The following LRRC4C variants were observed in gnomAD, a reference collection of about 807,000 sequenced individuals.
LRRC4C encodes leucine rich repeat containing 4C, also known as leucine-rich repeat-containing protein 4C.
A neutral mutation model predicts 33.6 loss-of-function variants in LRRC4C; 5 were observed. The observed-to-expected ratio is 0.15, with a 90% CI of 0.08 to 0.31. LRRC4C has a LOEUF of 0.31. Ranked by LOEUF, LRRC4C falls within the 10% of genes least tolerant of loss-of-function variation. The probability of loss-of-function intolerance (pLI) is 1.00; values close to 1 mark genes in which losing one functional copy is unlikely to be tolerated. For missense variants in LRRC4C, 560 were observed against 796.7 expected (o/e 0.70, Z 3.58); for synonymous variants, 329 against 302.0 (o/e 1.09, Z -0.93).
chr11:40,155,969 C>G (rs112646561), intron 5 of LRRC4C, among the ~76,000 whole-genome samples: 3,373 of 152,122 alleles, frequency 0.022, 124 homozygotes, highest in African/African-American at 0.077. Flanking sequence ...ACTAGCTAAC[C>G]GAATCCAGCA....
Position 40,736,216 on chromosome 11 carries a change from A to C in LRRC4C, c.-406-87938T>G, listed in dbSNP as rs543406200. Reference sequence around the variant, plus strand: ...GTGTGATGTTCCCCTCCCTGTGTCCATGTGTTCTCATTGTTCACCTCGCAC... The same window carrying C: ...GTGTGATGTTCCCCTCCCTGTGTCCCTGTGTTCTCATTGTTCACCTCGCAC... On this transcript the variant is annotated intron_variant, in intron 2 of 6. Transcript: ENST00000528697. Among the ~76,000 whole-genome samples the C allele has an allele frequency of 3.7e-4, 55 of 149,814 alleles. 1 individual carries two copies. Among genetic ancestry groups the C allele is most frequent in the Admixed American group, 1.6e-3 (24 of 15,034 alleles).
At chr11:40,127,478 T>A (rs1323411763) in intron 6 of LRRC4C, among the ~76,000 whole-genome samples, 1 of 151,936 alleles carries the variant, frequency 6.6e-6, no homozygotes, top group Admixed American at 6.6e-5. Context: ...ACTAGCCCAA[T>A]TGAGGGGCAC....
chr11:40,280,481 G>A (rs1038153413), intron 4 of LRRC4C, among the ~76,000 whole-genome samples: 4 of 152,228 alleles, frequency 2.6e-5, no homozygotes, highest in African/African-American at 4.8e-5. Flanking sequence ...ACACGGTCCC[G>A]CAACAGCCCA....
intron 4 of LRRC4C, among the ~76,000 whole-genome samples, chr11:40,277,347 TA>T (rs35031322): frequency 6.6e-6 from 1 of 152,110 alleles, no homozygotes; most frequent in East Asian, 1.9e-4. Context: ...AAGTGATGCA[TA>T]AAAAGTTTTA....
At chr11:40,178,236 C>G (rs1318122722) in intron 5 of LRRC4C, among the ~76,000 whole-genome samples, 2 of 152,218 alleles carry the variant, frequency 1.3e-5, no homozygotes, top group Non-Finnish European at 2.9e-5. Flanking sequence ...TATCCGTTCA[C>G]TTGGTAAACA....
At chr11:41,338,226 A>G (rs1951518173) in intron 1 of LRRC4C, among the ~76,000 whole-genome samples, 1 of 152,240 alleles carries the variant, frequency 6.6e-6, no homozygotes, top group African/African-American at 2.4e-5. Context: ...TCATTCTACT[A>G]TAAAGATACA....
intron 1 of LRRC4C, among the ~76,000 whole-genome samples, chr11:41,263,805 T>G (rs1239239939): frequency 6.6e-6 from 1 of 152,012 alleles, no homozygotes; most frequent in East Asian, 1.9e-4. Flanking sequence ...ACATATTCAA[T>G]GCATAAAAAA....
intron 1 of LRRC4C, among the ~76,000 whole-genome samples, chr11:41,149,413 A>G (rs1943885343): frequency 6.7e-6 from 1 of 149,864 alleles, no homozygotes; most frequent in Non-Finnish European, 1.5e-5. Flanking sequence ...AGGCTGAGGC[A>G]GGAGAATGGC....
intron 1 of LRRC4C, among the ~76,000 whole-genome samples, chr11:41,412,908 C>T (rs949492780): frequency 6.6e-6 from 1 of 152,188 alleles, no homozygotes; most frequent in Non-Finnish European, 1.5e-5. Flanking sequence ...CCTTTTCCTC[C>T]CTTCATTCCA....
intron 2 of LRRC4C, among the ~76,000 whole-genome samples, chr11:40,761,700 T>C (rs1303104127): frequency 6.6e-6 from 1 of 152,118 alleles, no homozygotes; most frequent in Non-Finnish European, 1.5e-5. Context: ...ATTAGACTAG[T>C]GAACATCTTC....
intron 3 of LRRC4C, among the ~76,000 whole-genome samples, chr11:40,543,719 G>T (rs541582138): frequency 2.0e-5 from 3 of 152,090 alleles, no homozygotes; most frequent in Non-Finnish European, 4.4e-5. Flanking sequence ...GAGAAAAGTC[G>T]AAGAATGAGT....
chr11:40,717,931 G>A (rs961479575), intron 2 of LRRC4C, among the ~76,000 whole-genome samples: 17 of 152,118 alleles, frequency 1.1e-4, no homozygotes, highest in African/African-American at 4.1e-4. Flanking sequence ...TACTCTGTTT[G>A]CTATAACTGA....
At chr11:41,192,778 C>G (rs1946016552) in intron 1 of LRRC4C, among the ~76,000 whole-genome samples, 1 of 151,980 alleles carries the variant, frequency 6.6e-6, no homozygotes, top group Non-Finnish European at 1.5e-5. Context: ...GAATCTAAAG[C>G]TGGGGAATTT....
intron 2 of LRRC4C, among the ~76,000 whole-genome samples, chr11:40,708,909 T>G (rs2136562964): frequency 6.6e-6 from 1 of 152,330 alleles, no homozygotes; most frequent in East Asian, 1.9e-4. Context: ...ATTGGATGCA[T>G]ATATATTCAG....
At chr11:41,004,811 A>G (rs914097729) in intron 1 of LRRC4C, among the ~76,000 whole-genome samples, 3 of 152,142 alleles carry the variant, frequency 2.0e-5, no homozygotes, top group African/African-American at 7.2e-5. Context: ...AGAGAATTAA[A>G]TGTATGAATT....
At chr11:40,980,862 C>T (rs1852467129) in intron 1 of LRRC4C, among the ~76,000 whole-genome samples, 1 of 152,154 alleles carries the variant, frequency 6.6e-6, no homozygotes, top group Non-Finnish European at 1.5e-5. Flanking sequence ...ACCCAGCAAA[C>T]GTTATTAGCA....
At chr11:41,351,289 C>A (rs555229228) in intron 1 of LRRC4C, among the ~76,000 whole-genome samples, 58 of 150,750 alleles carry the variant, frequency 3.8e-4, no homozygotes, top group African/African-American at 1.4e-3. Context: ...TCCACATAGA[C>A]AAAAAAAGAG....
At chr11:41,306,866 T>C (rs757824511) in intron 1 of LRRC4C, among the ~76,000 whole-genome samples, 2 of 152,206 alleles carry the variant, frequency 1.3e-5, no homozygotes, top group African/African-American at 4.8e-5. Context: ...CCCAATGGCT[T>C]TCTTCGAAAA....
intron 3 of LRRC4C, among the ~76,000 whole-genome samples, chr11:40,607,240 G>A (rs1007537382): frequency 6.6e-6 from 1 of 152,102 alleles, no homozygotes; most frequent in African/African-American, 2.4e-5. Context: ...GGTACAGGAT[G>A]GGGGAAGGGA....
Sources: gnomAD v4.1 joint callset for allele counts (sites outside exome capture counted in the v4.1 genomes callset) on GRCh38, gnomAD v4.1.1 for gene constraint, MANE v1.5 for transcripts, NCBI Gene and HGNC (gene_info 2026-07-23, HGNC 2026-07-21) for gene names.